TBC1D4: variants seen among roughly 807,000 people sequenced by gnomAD.
TBC1D4 encodes the protein TBC (Tre-2, BUB2, CDC16) domain-containing protein.
A neutral mutation model predicts 142.5 loss-of-function variants in TBC1D4; 121 were observed. The ratio of observed to expected loss-of-function variants is 0.85; its 90% confidence interval spans 0.73 to 0.99. TBC1D4 has a LOEUF of 0.99. Among genes scored for constraint, TBC1D4 ranks in the 50% least tolerant of loss-of-function variants. The pLI, the probability that TBC1D4 is intolerant of heterozygous loss-of-function variation, is 0.00. For synonymous variants in TBC1D4, 630 were observed against 628.2 expected, an observed-to-expected ratio of 1.00 and a Z score of -0.04; for missense variants, 1,475 against 1,606.6, an observed-to-expected ratio of 0.92 and a Z score of 1.40.
At chr13:75,463,530 G>T (rs74767099) in intron 1 of TBC1D4, among the ~76,000 whole-genome samples, 7,640 of 152,158 alleles carry the variant, frequency 0.05, 376 homozygotes, top group East Asian at 0.23. Context: ...GTACACATTT[G>T]TTAACTCCCC....
At chr13:75,460,170 T>C (rs1334284123) in intron 1 of TBC1D4, among the ~76,000 whole-genome samples, 2 of 151,792 alleles carry the variant, frequency 1.3e-5, no homozygotes, top group African/African-American at 4.8e-5. Flanking sequence ...AAAAAAATAA[T>C]AATAATACAT....
Position 75,375,460 on chromosome 13 carries a change from T to A in TBC1D4, c.499-12853A>T, listed in dbSNP as rs191586907. 9 of 152,268 alleles carry A rather than the reference T, an allele frequency of 5.9e-5. No individual in the cohort carries two copies. The East Asian group carries it at 1.7e-3, about 29-fold the overall frequency. The allele number at this position is 152,268 out of a possible 1,614,324, so 9.4% of individuals were successfully genotyped here. On this transcript the variant is annotated intron_variant, in intron 1 of 20. Coordinates refer to ENST00000377636, the MANE Select transcript of TBC1D4 (RefSeq NM_014832.5). ...GTTATATATAACCTGTTGAACCCAA[T>A]CGTTGGGATTGGGTTCATCTGCAAT...
At chr13:75,375,993 C>A (rs1344788303) in intron 1 of TBC1D4, 1 of 152,124 alleles carries the variant, frequency 6.6e-6, no homozygotes, top group Admixed American at 6.6e-5. Flanking sequence ...AACCTGTATT[C>A]TTTTCATAAT....
rs1345601526 is a variant in TBC1D4, at chr13:75,285,033, G to A, written c.*1759C>T. On this transcript the variant is annotated 3_prime_UTR_variant, in exon 21 of 21. Coordinates refer to ENST00000377636, the MANE Select transcript of TBC1D4 (RefSeq NM_014832.5). ...AGAAAAAACCCCTCCTACAAATAGA[G>A]AAATTCTCAGGAAATCCAAGCAACA... 1 of 152,160 alleles carries A rather than the reference G, an allele frequency of 6.6e-6. No individual in the cohort carries two copies. The highest frequency in any genetic ancestry group is 1.5e-5 in the Non-Finnish European group (1 of 68,018). 9.4% of individuals were successfully genotyped at this position (152,160 alleles called of 1,614,324 possible).
At chr13:75,397,373 G>GCAACA (rs1420860698) in intron 1 of TBC1D4, among the ~76,000 whole-genome samples, 11 of 152,022 alleles carry the variant, frequency 7.2e-5, no homozygotes, top group African/African-American at 2.4e-4. Context: ...AAAATAAAGG[G>GCAACA]CAGATACCAG....
intron 1 of TBC1D4, among the ~76,000 whole-genome samples, chr13:75,379,451 T>C (rs989303165): frequency 1.3e-5 from 2 of 152,152 alleles, no homozygotes; most frequent in African/African-American, 4.8e-5. Context: ...AAAATATATA[T>C]TTTGTTCACC....
chr13:75,383,704 T>C (rs1883999565), intron 1 of TBC1D4, among the ~76,000 whole-genome samples: 1 of 148,550 alleles, frequency 6.7e-6, no homozygotes, highest in Non-Finnish European at 1.5e-5. Flanking sequence ...TATGTACATA[T>C]GTACAGGAAA....
At chr13:75,379,265 C>T (rs999695689) in intron 1 of TBC1D4, among the ~76,000 whole-genome samples, 1 of 149,164 alleles carries the variant, frequency 6.7e-6, no homozygotes, top group Admixed American at 6.7e-5. Context: ...CACACATGCA[C>T]ACACACACAC....
At chr13:75,303,462 A>G (rs1190563515) in intron 15 of TBC1D4, among the ~76,000 whole-genome samples, 1 of 152,234 alleles carries the variant, frequency 6.6e-6, no homozygotes, top group African/African-American at 2.4e-5. Flanking sequence ...AATGTATCAC[A>G]AGCAGTTCAA....
At chr13:75,404,906 G>A (rs1163612487) in intron 1 of TBC1D4, among the ~76,000 whole-genome samples, 2 of 152,144 alleles carry the variant, frequency 1.3e-5, no homozygotes, top group African/African-American at 2.4e-5. Flanking sequence ...TTGCCCACCA[G>A]CTGCTGCTTA....
At position 75,302,387 on chromosome 13, in the gene TBC1D4, G is replaced by T. The variant is rs1305276262; in HGVS notation, c.2767C>A (p.Arg923=). The T allele has an allele frequency of 1.2e-6, 2 of 1,613,934 alleles. No homozygotes were observed. The highest frequency in any genetic ancestry group is 1.3e-5 in the African/African-American group (1 of 74,886). The stretch of plus-strand genomic sequence containing the variant: ...AGAAACTGCCAAATTTCTCCTCGTC[G>T]ACTTTTGGGAACTCCTACAATGAAG... The part of the protein sequence containing the change: ...TLLKEGVPKS[R]RGEIWQFLAL... Residue 923 remains arginine, a synonymous_variant, in exon 16 of 21, where the codon CGA becomes AGA. Coordinates refer to ENST00000377636, the MANE Select transcript of TBC1D4 (RefSeq NM_014832.5).
chr13:75,412,192 C>T (rs1885702591), intron 1 of TBC1D4, among the ~76,000 whole-genome samples: 1 of 152,214 alleles, frequency 6.6e-6, no homozygotes, highest in African/African-American at 2.4e-5. Flanking sequence ...ACAAAACACA[C>T]ATCTGAATGA....
intron 1 of TBC1D4, among the ~76,000 whole-genome samples, chr13:75,448,324 T>TG (rs1390978037): frequency 3.3e-5 from 5 of 152,122 alleles, no homozygotes; most frequent in African/African-American, 4.8e-5. Context: ...AAACACTTTA[T>TG]GGAGAGGCCA....
intron 9 of TBC1D4, 37 bp from the exon 10 acceptor site, chr13:75,326,460 C>T (rs758337739): frequency 1.7e-5 from 27 of 1,608,854 alleles, no homozygotes; most frequent in Middle Eastern, 1.7e-4. Context: ...TTATTTCCCA[C>T]GTGGGTCATG....
chr13:75,355,574 G>A (rs1268853803), intron 4 of TBC1D4, among the ~76,000 whole-genome samples: 1 of 152,182 alleles, frequency 6.6e-6, no homozygotes, highest in Non-Finnish European at 1.5e-5. Context: ...CAATGAAGGG[G>A]GGACATAATG....
intron 1 of TBC1D4, chr13:75,377,293 C>A (rs1041497153): frequency 2.0e-5 from 3 of 152,160 alleles, no homozygotes; most frequent in Admixed American, 2.0e-4. Flanking sequence ...TGAATGACAG[C>A]TAGGGCCATC....
intron 1 of TBC1D4, among the ~76,000 whole-genome samples, chr13:75,389,188 T>A (rs562354542): frequency 1.4e-4 from 22 of 152,364 alleles, no homozygotes; most frequent in Non-Finnish European, 2.8e-4. Flanking sequence ...AGACTTTTCT[T>A]AACCTGTCAT....
chr13:75,338,517 C>T (rs1880413068), intron 7 of TBC1D4, among the ~76,000 whole-genome samples: 1 of 152,164 alleles, frequency 6.6e-6, no homozygotes, highest in African/African-American at 2.4e-5. Context: ...AGAAGCTTAG[C>T]TACGAGCAAG....
intron 5 of TBC1D4, among the ~76,000 whole-genome samples, chr13:75,342,637 T>G (rs1205244720): frequency 6.6e-6 from 1 of 152,116 alleles, no homozygotes; most frequent in African/African-American, 2.4e-5. Flanking sequence ...CATGAGAAGG[T>G]TGTTTTTAAA....
Sources: allele counts gnomAD v4.1 joint callset (sites outside exome capture counted in the v4.1 genomes callset), GRCh38; gene constraint gnomAD v4.1.1; transcripts MANE v1.5; gene names NCBI Gene and HGNC (gene_info 2026-07-23, HGNC 2026-07-21).